CAPN5: variants seen among roughly 807,000 people sequenced by gnomAD.
CAPN5 encodes calpain-5.
A neutral mutation model predicts 73.0 loss-of-function variants in CAPN5; 54 were observed. The ratio of observed to expected loss-of-function variants is 0.74; its 90% confidence interval spans 0.59 to 0.93. CAPN5 has a LOEUF of 0.93. CAPN5 is among the 40% of genes least tolerant of loss of function. CAPN5 has a pLI of 0.00. For missense variants in CAPN5, 785 were observed against 882.9 expected (o/e 0.89, Z 1.41); for synonymous variants, 335 against 356.9 (o/e 0.94, Z 0.69).
intron 3 of CAPN5, among the ~76,000 whole-genome samples, chr11:77,096,537 C>T (rs533873020): frequency 1.3e-4 from 20 of 152,350 alleles, no homozygotes; most frequent in Admixed American, 9.1e-4. Flanking sequence ...CCTGCTCCTA[C>T]GGGATCCCTG....
chr11:77,106,472 T>C (rs979802156), intron 3 of CAPN5, among the ~76,000 whole-genome samples: 2 of 151,882 alleles, frequency 1.3e-5, no homozygotes, highest in Admixed American at 1.3e-4. Context: ...AACCTGCCTT[T>C]CCCTGAGCTC....
At chr11:77,113,174 G>T (rs1032779525) in intron 4 of CAPN5, among the ~76,000 whole-genome samples, 1 of 152,224 alleles carries the variant, frequency 6.6e-6, no homozygotes, top group Non-Finnish European at 1.5e-5. Context: ...GCTGGGGCCT[G>T]GTTGTGCAGG....
Position 77,112,947 on chromosome 11 carries a change from G to C in CAPN5, c.506+150G>C, listed in dbSNP as rs930659703. The C allele has an allele frequency of 5.0e-5, 36 of 725,104 alleles. No homozygotes were observed. The African/African-American group carries it at 6.0e-4, about 12-fold the overall frequency. 44.9% of individuals were successfully genotyped at this position (725,104 alleles called of 1,614,324 possible). A position where few individuals can be genotyped will look rare whatever the true frequency, so the allele number is the denominator to read the frequency against. On this transcript the variant is annotated intron_variant, in intron 4 of 12. Coordinates refer to ENST00000648180, the MANE Select transcript of CAPN5 (RefSeq NM_004055.5). ...CAGCAGGCTCAACCGCCAGGCCTGA[G>C]GGCATAGTCAGCTGAGCCTGTGCTG... is the stretch of plus-strand genomic sequence containing the variant.
At chr11:77,110,195 C>T (rs1950397840) in intron 3 of CAPN5, among the ~76,000 whole-genome samples, 2 of 151,516 alleles carry the variant, frequency 1.3e-5, no homozygotes, top group African/African-American at 4.9e-5. Flanking sequence ...TCAAGCGATT[C>T]TCATGAGTCA....
At chr11:77,122,541 C>CCCCCCG in intron 11 of CAPN5, 35 bp from the exon 12 acceptor site, 1 of 1,176,354 alleles carries the variant, frequency 8.5e-7, no homozygotes, top group Non-Finnish European at 1.2e-6. Flanking sequence ...GCCCCCACCC[C>CCCCCCG]CACCCTCACC....
intron 2 of CAPN5, among the ~76,000 whole-genome samples, chr11:77,085,683 G>T (rs1163756861): frequency 6.6e-6 from 1 of 152,094 alleles, no homozygotes; most frequent in African/African-American, 2.4e-5. Flanking sequence ...TGAGGCTAGA[G>T]TGTGTTACAC....
chr11:77,089,050 G>A (rs557570540), intron 2 of CAPN5, among the ~76,000 whole-genome samples: 1 of 152,206 alleles, frequency 6.6e-6, no homozygotes, highest in East Asian at 1.9e-4. Flanking sequence ...TGTAGCCCCA[G>A]TGGAACCTGC....
intron 3 of CAPN5, among the ~76,000 whole-genome samples, chr11:77,101,096 C>T (rs1950279234): frequency 6.6e-6 from 1 of 152,258 alleles, no homozygotes; most frequent in African/African-American, 2.4e-5. Flanking sequence ...CATCACATCA[C>T]CTGTCCCTTG....
intron 3 of CAPN5, among the ~76,000 whole-genome samples, chr11:77,111,492 T>G (rs1950410017): frequency 6.6e-6 from 1 of 152,172 alleles, no homozygotes; most frequent in African/African-American, 2.4e-5. Flanking sequence ...GAGGTTATTG[T>G]GATAATTAAA....
At position 77,110,253 on chromosome 11, in the gene CAPN5, A is replaced by G. The variant is rs1364255020; in HGVS notation, c.298-2336A>G. Among the ~76,000 whole-genome samples the G allele has an allele frequency of 1.4e-4, 22 of 151,862 alleles. 1 individual carries two copies. The highest frequency in any genetic ancestry group is 1.4e-3 in the Admixed American group (21 of 15,256). Reference sequence around the variant, plus strand: ...CAGGCACGCACCACCACGCCCAGCTAATTTTTGTATTCTTTTTTAGTAGAG... The same window carrying G: ...CAGGCACGCACCACCACGCCCAGCTGATTTTTGTATTCTTTTTTAGTAGAG... On this transcript the variant is annotated intron_variant, in intron 3 of 12. Transcript: ENST00000648180.
intron 2 of CAPN5, 56 bp from the exon 3 acceptor site, chr11:77,093,625 TG>T (rs1950176573): frequency 1.7e-5 from 26 of 1,518,808 alleles, no homozygotes; most frequent in Non-Finnish European, 2.2e-5. Context: ...TCTCCTGCCA[TG>T]GGGGGCATCC....
At chr11:77,108,601 G>A (rs921531683) in intron 3 of CAPN5, among the ~76,000 whole-genome samples, 1 of 152,016 alleles carries the variant, frequency 6.6e-6, no homozygotes, top group African/African-American at 2.4e-5. Flanking sequence ...TGGACTCCTC[G>A]CACCCATCCC....
chr11:77,092,901 A>G (rs574533008), intron 2 of CAPN5, among the ~76,000 whole-genome samples: 4 of 152,348 alleles, frequency 2.6e-5, no homozygotes, highest in African/African-American at 9.6e-5. Flanking sequence ...CAGGAGCTGG[A>G]GGTTGCAGTG....
chr11:77,095,853 G>C (rs921289569), intron 3 of CAPN5, among the ~76,000 whole-genome samples: 1 of 152,210 alleles, frequency 6.6e-6, no homozygotes, highest in Admixed American at 6.5e-5. Context: ...CAGGGAGTTG[G>C]GGCACCTGGC....
intron 1 of CAPN5, among the ~76,000 whole-genome samples, chr11:77,076,359 A>C (rs1322657794): frequency 1.3e-5 from 2 of 152,254 alleles, no homozygotes; most frequent in Non-Finnish European, 2.9e-5. Context: ...CAAAAAAAGA[A>C]AAGTCTACTT....
intron 3 of CAPN5, among the ~76,000 whole-genome samples, chr11:77,110,707 A>C (rs1950403077): frequency 6.6e-6 from 1 of 152,252 alleles, no homozygotes; most frequent in Non-Finnish European, 1.5e-5. Context: ...CTCTCGCTGC[A>C]GTTAGCATTT....
At chr11:77,088,193 A>C in intron 2 of CAPN5, 1 of 1,085,544 alleles carries the variant, frequency 9.2e-7, no homozygotes, top group Non-Finnish European at 1.3e-6. Flanking sequence ...GGGGAGGGGG[A>C]CTAATGAACA....
At chr11:77,123,543 T>C (rs1393085330) in intron 12 of CAPN5, 145 bp from the exon 13 acceptor site, 2 of 689,076 alleles carry the variant, frequency 2.9e-6, no homozygotes, top group Non-Finnish European at 5.0e-6. Context: ...CCGTAGTTCA[T>C]GGGGAGGCAG....
intron 11 of CAPN5, 45 bp from the exon 12 acceptor site, chr11:77,122,531 G>GCCCCCCCCCCCCC: frequency 2.4e-6 from 3 of 1,228,402 alleles, no homozygotes; most frequent in Non-Finnish European, 3.5e-6. Flanking sequence ...CCCTGCCACA[G>GCCCCCCCCCCCCC]CCCCCACCCC....
Sources: allele counts gnomAD v4.1 joint callset (sites outside exome capture counted in the v4.1 genomes callset), GRCh38; gene constraint gnomAD v4.1.1; transcripts MANE v1.5; gene names NCBI Gene and HGNC (gene_info 2026-07-23, HGNC 2026-07-21).